Variants in FRMD6 observed in about 807,000 individuals in gnomAD.
FRMD6 encodes the protein FERM domain-containing protein 6.
FRMD6 carries 37 observed loss-of-function variants against 73.2 expected under a neutral mutation model. That is an observed-to-expected ratio of 0.51 (90% CI 0.39 to 0.66). The LOEUF is 0.66. Among genes scored for constraint, FRMD6 ranks in the 30% least tolerant of loss-of-function variants. The pLI is 0.00. For synonymous variants in FRMD6, 273 were observed against 282.2 expected (o/e 0.97, Z 0.33); for missense variants, 714 against 780.5 (o/e 0.91, Z 1.02).
intron 1 of FRMD6, among the ~76,000 whole-genome samples, chr14:51,545,992 A>G (rs1203378318): frequency 6.6e-6 from 1 of 152,176 alleles, no homozygotes; most frequent in Non-Finnish European, 1.5e-5. Flanking sequence ...AAATGGGATT[A>G]TATCTAAATT....
chr14:51,702,963 T>A (rs1286044989), intron 5 of FRMD6, among the ~76,000 whole-genome samples: 1 of 152,032 alleles, frequency 6.6e-6, no homozygotes, highest in East Asian at 1.9e-4. Context: ...ATTAAAAGAT[T>A]ATGTTCTTTT....
intron 1 of FRMD6, among the ~76,000 whole-genome samples, chr14:51,544,401 A>G (rs1015521087): frequency 2.0e-5 from 3 of 152,086 alleles, no homozygotes; most frequent in Admixed American, 1.3e-4. Context: ...CTTCAAATAC[A>G]TACAAAATAT....
intron 5 of FRMD6, among the ~76,000 whole-genome samples, chr14:51,703,105 T>C (rs1243087453): frequency 2.0e-5 from 3 of 152,154 alleles, no homozygotes; most frequent in South Asian, 2.1e-4. Context: ...AAACCAAGAT[T>C]AAGCCCAGTG....
chr14:51,404,255 T>C, the FRMD6 span, among the ~76,000 whole-genome samples: 1 of 152,202 alleles, frequency 6.6e-6, no homozygotes, highest in East Asian at 1.9e-4. Context: ...CTTTCTGTTT[T>C]TGCTGAATTT....
At chr14:51,470,727 T>G in the FRMD6 span, among the ~76,000 whole-genome samples, 1 of 152,248 alleles carries the variant, frequency 6.6e-6, no homozygotes, top group African/African-American at 2.4e-5. Flanking sequence ...TTCAAAACAT[T>G]TCTTAGTTTC....
intron 1 of FRMD6, among the ~76,000 whole-genome samples, chr14:51,669,885 G>C (rs1461227694): frequency 6.7e-6 from 1 of 149,524 alleles, no homozygotes; most frequent in African/African-American, 2.6e-5. Flanking sequence ...AATGCCCTAA[G>C]AAAACCAGGG....
At chr14:51,452,294 G>A in the FRMD6 span, among the ~76,000 whole-genome samples, 1 of 152,230 alleles carries the variant, frequency 6.6e-6, no homozygotes, top group African/African-American at 2.4e-5. Context: ...CCAATGATGA[G>A]TGGATGGTGG....
chr14:51,469,692 AT>A, the FRMD6 span, among the ~76,000 whole-genome samples: 2 of 151,018 alleles, frequency 1.3e-5, no homozygotes, highest in African/African-American at 4.9e-5. Flanking sequence ...ATTTGCCAAC[AT>A]TTTATTAAGA....
the FRMD6 span, among the ~76,000 whole-genome samples, chr14:51,459,897 T>A: frequency 7.4e-6 from 1 of 135,396 alleles, no homozygotes; most frequent in African/African-American, 2.7e-5. Context: ...TTTTTTTTTT[T>A]TTTTTTTACA....
intron 1 of FRMD6, among the ~76,000 whole-genome samples, chr14:51,543,461 A>G (rs1210584955): frequency 1.3e-5 from 2 of 152,054 alleles, no homozygotes; most frequent in Non-Finnish European, 2.9e-5. Flanking sequence ...CTTACCTGTT[A>G]TAGTTTCATT....
At chr14:51,598,845 G>A (rs568480502) in intron 2 of FRMD6, among the ~76,000 whole-genome samples, 1 of 152,222 alleles carries the variant, frequency 6.6e-6, no homozygotes, top group South Asian at 2.1e-4. Flanking sequence ...GAATAGTGCT[G>A]CACTGAACAT....
chr14:51,525,337 C>T (rs1036219983), intron 1 of FRMD6, among the ~76,000 whole-genome samples: 1 of 151,962 alleles, frequency 6.6e-6, no homozygotes, highest in African/African-American at 2.4e-5. Flanking sequence ...AGCGAGGTCT[C>T]TGCTCACTGC....
chr14:51,477,330 C>T, the FRMD6 span, among the ~76,000 whole-genome samples: 2 of 152,050 alleles, frequency 1.3e-5, no homozygotes, highest in African/African-American at 4.8e-5. Flanking sequence ...CCATGTTCAC[C>T]CAACGTGATG....
intron 3 of FRMD6, 124 bp downstream of exon 3, chr14:51,698,356 G>C: frequency 2.0e-6 from 1 of 505,170 alleles, no homozygotes; most frequent in Non-Finnish European, 3.4e-6. Context: ...CCCATGGACT[G>C]ATTTTCATTT....
At chr14:51,581,245 C>G (rs919460403) in intron 2 of FRMD6, among the ~76,000 whole-genome samples, 3 of 152,170 alleles carry the variant, frequency 2.0e-5, no homozygotes, top group Non-Finnish European at 4.4e-5. Flanking sequence ...GTCTCTCCCC[C>G]ATCTTTCTTT....
intron 1 of FRMD6, among the ~76,000 whole-genome samples, chr14:51,673,189 A>G (rs1051630489): frequency 6.6e-6 from 1 of 151,968 alleles, no homozygotes; most frequent in Non-Finnish European, 1.5e-5. Context: ...AATGAGAACT[A>G]TGCCCAGCTC....
At chr14:51,638,290 A>G (rs1271162850) in intron 2 of FRMD6, among the ~76,000 whole-genome samples, 1 of 152,112 alleles carries the variant, frequency 6.6e-6, no homozygotes, top group Non-Finnish European at 1.5e-5. Context: ...TTAAAAAAAA[A>G]AGTTTGCCAA....
intron 1 of FRMD6, among the ~76,000 whole-genome samples, chr14:51,524,796 G>T (rs747450515): frequency 2.0e-5 from 3 of 152,100 alleles, no homozygotes; most frequent in Non-Finnish European, 4.4e-5. Flanking sequence ...GGCCACTTGT[G>T]ATTGGCCAAA....
intron 1 of FRMD6, chr14:51,547,850 A>T (rs1263746535): frequency 6.6e-6 from 1 of 151,598 alleles, no homozygotes; most frequent in African/African-American, 2.4e-5. Context: ...TTTCCCGAAG[A>T]TCTTGAGATT....
Sources: gnomAD v4.1 joint callset for allele counts (sites outside exome capture counted in the v4.1 genomes callset) on GRCh38, gnomAD v4.1.1 for gene constraint, MANE v1.5 for transcripts, NCBI Gene and HGNC (gene_info 2026-07-23, HGNC 2026-07-21) for gene names.